NKAIN1: variants seen among roughly 807,000 people sequenced by gnomAD.
NKAIN1 encodes sodium/potassium transporting ATPase interacting 1, also known as sodium/potassium-transporting ATPase subunit beta-1-interacting protein 1.
Under a neutral mutation model 31.6 loss-of-function variants are expected in NKAIN1, and 13 were observed. That is an observed-to-expected ratio of 0.41 (90% CI 0.27 to 0.65). NKAIN1 has a LOEUF of 0.65. NKAIN1 is among the 30% of genes least tolerant of loss of function. The pLI is 0.30. For missense variants in NKAIN1, 193 were observed against 262.2 expected (o/e 0.74, Z 1.82); for synonymous variants, 104 against 109.0 (o/e 0.95, Z 0.28).
At chr1:31,183,321 C>T (rs1001807959) in intron 4 of NKAIN1, among the ~76,000 whole-genome samples, 3 of 152,030 alleles carry the variant, frequency 2.0e-5, no homozygotes, top group African/African-American at 7.3e-5. Context: ...ATCCTACTCA[C>T]TAAACCTGTT....
intron 1 of NKAIN1, among the ~76,000 whole-genome samples, chr1:31,211,432 T>C (rs539161540): frequency 3.9e-5 from 6 of 152,198 alleles, no homozygotes; most frequent in Non-Finnish European, 7.3e-5. Flanking sequence ...AGAAAATGCT[T>C]AGCATAAATT....
chr1:31,187,862 A>T (rs1282319746), intron 2 of NKAIN1, among the ~76,000 whole-genome samples, 188 bp downstream of exon 2: 2 of 151,958 alleles, frequency 1.3e-5, no homozygotes, highest in Non-Finnish European at 2.9e-5. Flanking sequence ...TTCAGGAAAA[A>T]AAAAACCCTT....
chr1:31,198,547 C>T (rs890501864), intron 1 of NKAIN1, among the ~76,000 whole-genome samples: 13 of 117,872 alleles, frequency 1.1e-4, no homozygotes, highest in African/African-American at 3.6e-4. Context: ...CCCTGGCTCT[C>T]TGGGATCTTC....
intron 1 of NKAIN1, among the ~76,000 whole-genome samples, chr1:31,203,133 A>G (rs12123713): frequency 0.72 from 107,520 of 149,956 alleles, 39,553 homozygotes; most frequent in Middle Eastern, 0.9. Context: ...TTAGACAGGC[A>G]TGGTGGCTGT....
chr1:31,221,841 G>A (rs1453905235), intron 1 of NKAIN1, among the ~76,000 whole-genome samples: 6 of 152,086 alleles, frequency 3.9e-5, no homozygotes, highest in African/African-American at 1.4e-4. Context: ...CAGGGGTAGG[G>A]TTTAAACAGA....
At position 31,181,846 on chromosome 1, in the gene NKAIN1, G is replaced by C. The variant is rs1645200768; in HGVS notation, c.614+14C>G. The C allele has an allele frequency of 6.2e-7, 1 of 1,600,978 alleles. No homozygotes were observed. The highest frequency in any genetic ancestry group is 1.1e-5 in the South Asian group (1 of 88,558). On this transcript the variant is annotated intron_variant, in intron 6 of 6. Transcript: ENST00000373736. ...GCCCAGGCCTCCCCAAGCCAGCAGGGGGCCGTGACCCACGTGTACAGAGGC... is the reference window on the plus strand; with the variant it reads ...GCCCAGGCCTCCCCAAGCCAGCAGGCGGCCGTGACCCACGTGTACAGAGGC...
chr1:31,220,165 G>A (rs570940381), intron 1 of NKAIN1, among the ~76,000 whole-genome samples: 104 of 131,274 alleles, frequency 7.9e-4, no homozygotes, highest in Admixed American at 6.9e-3. Flanking sequence ...GTGCCACCAC[G>A]CCCAGCTAAT....
At chr1:31,187,979 G>A (rs1447866183) in intron 2 of NKAIN1, 71 bp downstream of exon 2, 34 of 1,480,880 alleles carry the variant, frequency 2.3e-5, no homozygotes, top group Non-Finnish European at 3.1e-5. Context: ...TGGTTTTGAG[G>A]AGCAGGGAGG....
intron 1 of NKAIN1, among the ~76,000 whole-genome samples, chr1:31,200,176 C>T (rs1340555987): frequency 9.2e-5 from 14 of 152,196 alleles, no homozygotes; most frequent in Admixed American, 6.5e-4. Flanking sequence ...TATCCCAGCC[C>T]GGATCCCACT....
intron 1 of NKAIN1, among the ~76,000 whole-genome samples, chr1:31,229,052 G>A (rs1164685486): frequency 6.6e-6 from 1 of 152,178 alleles, no homozygotes; most frequent in East Asian, 1.9e-4. Flanking sequence ...GCCCAGAGAA[G>A]GCCAGGCCCA....
intron 1 of NKAIN1, among the ~76,000 whole-genome samples, chr1:31,198,776 C>T (rs995535396): frequency 1.3e-5 from 2 of 151,046 alleles, no homozygotes; most frequent in Admixed American, 6.6e-5. Flanking sequence ...AGGGGGATGC[C>T]GTTGCCATAG....
chr1:31,202,873 A>G (rs1280354743), intron 1 of NKAIN1, among the ~76,000 whole-genome samples: 1 of 149,916 alleles, frequency 6.7e-6, no homozygotes, highest in Non-Finnish European at 1.5e-5. Flanking sequence ...GCTACTCGGG[A>G]GGCTGAGGCA....
chr1:31,217,981 A>T (rs2148362199), intron 1 of NKAIN1, among the ~76,000 whole-genome samples: 1 of 151,658 alleles, frequency 6.6e-6, no homozygotes, highest in South Asian at 2.1e-4. Context: ...GCACCTAATA[A>T]TGATTTGTAT....
chr1:31,211,465 G>A (rs1645468582), intron 1 of NKAIN1, among the ~76,000 whole-genome samples: 1 of 152,180 alleles, frequency 6.6e-6, no homozygotes, highest in Non-Finnish European at 1.5e-5. Context: ...TGCAAGACCT[G>A]TATGCTGAAA....
chr1:31,193,564 C>T (rs189502751), intron 1 of NKAIN1, among the ~76,000 whole-genome samples: 217 of 151,942 alleles, frequency 1.4e-3, no homozygotes, highest in African/African-American at 4.6e-3. Flanking sequence ...GGCGTGGTGG[C>T]ACGCACCTGT....
rs1645588039 is a variant in NKAIN1, at chr1:31,224,579, C to T, written c.54+14915G>A. 2.0e-5 allele frequency among the ~76,000 whole-genome samples: 3 copies of T among 152,216 alleles called. No individual in the cohort carries two copies. In the South Asian group the frequency reaches 6.2e-4, roughly 32 times the overall value. On this transcript the variant is annotated intron_variant, in intron 1 of 6. Transcript: ENST00000373736. ...ATACAAACACAGAAACATACCACAGCCCCCAAATGTCCCTCTCCAACAGAC... is the reference window on the plus strand; with the variant it reads ...ATACAAACACAGAAACATACCACAGTCCCCAAATGTCCCTCTCCAACAGAC...
intron 1 of NKAIN1, among the ~76,000 whole-genome samples, chr1:31,196,585 G>A (rs1645329540): frequency 6.6e-6 from 1 of 151,242 alleles, no homozygotes; most frequent in South Asian, 2.1e-4. Context: ...TACTAGGGAG[G>A]CTGAGGCAGG....
At chr1:31,225,955 C>T (rs1645600899) in intron 1 of NKAIN1, among the ~76,000 whole-genome samples, 1 of 152,270 alleles carries the variant, frequency 6.6e-6, no homozygotes, top group Non-Finnish European at 1.5e-5. Context: ...TGCTCTGCCA[C>T]TTACCTCACT....
chr1:31,207,158 C>T (rs1016095140), intron 1 of NKAIN1, among the ~76,000 whole-genome samples: 11 of 152,202 alleles, frequency 7.2e-5, no homozygotes, highest in African/African-American at 2.4e-4. Flanking sequence ...AGAAGCTGTA[C>T]ACCACAGAGG....
Sources: gnomAD v4.1 joint callset for allele counts (sites outside exome capture counted in the v4.1 genomes callset) on GRCh38, gnomAD v4.1.1 for gene constraint, MANE v1.5 for transcripts, NCBI Gene and HGNC (gene_info 2026-07-23, HGNC 2026-07-21) for gene names.